MTO1: variants seen among roughly 807,000 people sequenced by gnomAD.
The protein encoded by MTO1 is mitochondrial tRNA translation optimization 1.
MTO1 carries 46 observed loss-of-function variants against 71.6 expected under a neutral mutation model. That is an observed-to-expected ratio of 0.64 (90% CI 0.51 to 0.82). The LOEUF (loss-of-function observed/expected upper bound fraction) is 0.82, where lower values mean the gene tolerates loss of function less well. MTO1 is among the 40% of genes least tolerant of loss of function. The pLI is 0.00. For missense variants in MTO1, 773 were observed against 867.5 expected (o/e 0.89, Z 1.37); for synonymous variants, 297 against 312.1 (o/e 0.95, Z 0.51).
rs1411375176 is a variant in MTO1 at position 73,466,224 on chromosome 6, ATCCT to A, written c.239_242del (p.Ser80LeufsTer9). On this transcript the variant is annotated frameshift_variant, in exon 2 of 12. Coordinates refer to ENST00000498286, the MANE Select transcript of MTO1 (RefSeq NM_012123.4). LOFTEE classifies it high-confidence loss of function. ...TTATCTTTAGGTCAGATGTCATGTA[ATCCT>A]TCCTTTGGTGGCATCGGAAAGGGAC... The A allele has an allele frequency of 7.4e-6, 12 of 1,613,474 alleles. No individual in the cohort carries two copies. Among genetic ancestry groups the A allele is most frequent in the South Asian group, 4.4e-5 (4 of 91,062 alleles).
rs975849976 is a variant in MTO1, at chr6:73,508,079, T to C, written c.*7344T>C. ...CCATTCCAATCCTTTGTAACCTATT[T>C]CAGGTTAAGCATTTATGGAGGTGCC... is the stretch of plus-strand genomic sequence containing the variant. On this transcript the variant is annotated 3_prime_UTR_variant, in exon 12 of 12. Coordinates refer to ENST00000498286, the MANE Select transcript of MTO1 (RefSeq NM_012123.4). 1 of 152,088 alleles carries C rather than the reference T, an allele frequency of 6.6e-6. No individual in the cohort carries two copies. The highest frequency in any genetic ancestry group is 1.5e-5 in the Non-Finnish European group (1 of 68,026). The allele number at this position is 152,088 out of a possible 1,614,324, so 9.4% of individuals were successfully genotyped here. A position where few individuals can be genotyped will look rare whatever the true frequency, so the allele number is the denominator to read the frequency against.
At chr6:73,478,830 C>T (rs555304016) in intron 4 of MTO1, among the ~76,000 whole-genome samples, 2 of 152,046 alleles carry the variant, frequency 1.3e-5, no homozygotes, top group African/African-American at 4.8e-5. Context: ...GCGTGAGCCA[C>T]GGCGCCCAGC....
In MTO1 at chr6:73,504,529, T is replaced by C. The variant is rs1256343602; in HGVS notation, c.*3794T>C. ...TAGATACTCGTGCTTTTTAAATAGA[T>C]TAATGAATACTACTAAAGGCAAGAA... On this transcript the variant is annotated 3_prime_UTR_variant, in exon 12 of 12. Coordinates refer to ENST00000498286, the MANE Select transcript of MTO1 (RefSeq NM_012123.4). 1.3e-5 allele frequency: 2 copies of C among 152,294 alleles called. No homozygotes were observed. The highest frequency in any genetic ancestry group is 3.9e-4 in the East Asian group (2 of 5,190). 9.4% of individuals were successfully genotyped at this position (152,294 alleles called of 1,614,324 possible). A position where few individuals can be genotyped will look rare whatever the true frequency, so the allele number is the denominator to read the frequency against.
At position 73,466,216 on chromosome 6, in the gene MTO1, G is replaced by C. The variant is rs764461061; in HGVS notation, c.225G>C (p.Met75Ile). ...TATGTCTATTATCTTTAGGTCAGAT[G>C]TCATGTAATCCTTCCTTTGGTGGCA... The part of the protein sequence containing the change: ...LTHRVDTIGQ[M>I]SCNPSFGGIG... The change falls in exon 2 of 12, where the codon ATG becomes ATC. Residue 75 changes from methionine to isoleucine, a missense_variant. Coordinates refer to ENST00000498286, the MANE Select transcript of MTO1 (RefSeq NM_012123.4). The C allele has an allele frequency of 6.2e-7, 1 of 1,612,342 alleles. No homozygotes were observed. Among genetic ancestry groups the C allele is most frequent in the Non-Finnish European group, 8.5e-7 (1 of 1,178,366 alleles).
intron 11 of MTO1, among the ~76,000 whole-genome samples, chr6:73,499,006 C>T (rs142810629): frequency 0.01 from 1,597 of 152,186 alleles, 24 homozygotes; most frequent in African/African-American, 0.036. Context: ...GGATTACAGG[C>T]GTGAGCCACC....
intron 4 of MTO1, among the ~76,000 whole-genome samples, chr6:73,474,305 G>A (rs1166478542): frequency 9.9e-5 from 15 of 151,844 alleles, no homozygotes; most frequent in South Asian, 2.1e-4. Flanking sequence ...GGCTGGTCTC[G>A]AACTCCTGAC....
At chr6:73,462,549 C>A (rs1212018248) in intron 1 of MTO1, among the ~76,000 whole-genome samples, 1 of 151,870 alleles carries the variant, frequency 6.6e-6, no homozygotes, top group African/African-American at 2.4e-5. Flanking sequence ...GCCAACACGG[C>A]GAAACCCCGT....
intron 11 of MTO1, among the ~76,000 whole-genome samples, chr6:73,498,588 T>G (rs1371323698): frequency 6.6e-6 from 1 of 152,010 alleles, no homozygotes; most frequent in Non-Finnish European, 1.5e-5. Flanking sequence ...ATATGCATGT[T>G]CCTTTGTGTA....
chr6:73,491,689 A>C (rs1210493039), intron 9 of MTO1, among the ~76,000 whole-genome samples: 1 of 152,196 alleles, frequency 6.6e-6, no homozygotes, highest in African/African-American at 2.4e-5. Flanking sequence ...AGGAAAGACA[A>C]ATGGATTACA....
intron 4 of MTO1, among the ~76,000 whole-genome samples, chr6:73,475,756 C>T (rs1170795879): frequency 1.3e-5 from 2 of 152,074 alleles, no homozygotes; most frequent in African/African-American, 4.8e-5. Flanking sequence ...AGGTGATCCG[C>T]CCGCCTCGGC....
chr6:73,498,014 T>G, intron 11 of MTO1, 118 bp downstream of exon 11: 2 of 926,026 alleles, frequency 2.2e-6, no homozygotes, highest in Non-Finnish European at 3.1e-6. Context: ...AATAAGAAAC[T>G]TCCAGCATGG....
In MTO1 at chr6:73,480,682, T is replaced by C. The variant is rs141477592; in HGVS notation, c.1137T>C (p.Gly379=). 243 of 1,613,914 alleles carry C rather than the reference T, an allele frequency of 1.5e-4. 1 individual carries two copies. Among genetic ancestry groups the C allele is most frequent in the Non-Finnish European group, 2.0e-4 (231 of 1,179,894 alleles). The change falls in exon 7 of 12, where the codon GGT becomes GGC. Residue 379 remains glycine, a synonymous_variant. Transcript: ENST00000498286. The part of the protein sequence containing the change: ...EKAKVIQPGY[G]VQYDYLDPRQ... ...TCTTTGTTCTTTGGTCAGGCTACGG[T>C]GTTCAGTATGATTACTTAGATCCCC...
At position 73,503,841 on chromosome 6, in the gene MTO1, A is replaced by G. The variant is rs1018355999; in HGVS notation, c.*3106A>G. 3.9e-5 allele frequency: 6 copies of G among 152,236 alleles called. No individual in the cohort carries two copies. Among genetic ancestry groups the G allele is most frequent in the Admixed American group, 1.3e-4 (2 of 15,278 alleles). 9.4% of individuals were successfully genotyped at this position (152,236 alleles called of 1,614,324 possible). A position where few individuals can be genotyped will look rare whatever the true frequency, so the allele number is the denominator to read the frequency against. The stretch of plus-strand genomic sequence containing the variant: ...GGCCTTGAAAATGAAGTTCCTTTAT[A>G]GCCAAGAGCTTAAATTTTGTTACTG... On this transcript the variant is annotated 3_prime_UTR_variant, in exon 12 of 12. Coordinates refer to ENST00000498286, the MANE Select transcript of MTO1 (RefSeq NM_012123.4).
At chr6:73,489,336 G>T (rs1214811113) in intron 9 of MTO1, among the ~76,000 whole-genome samples, 5 of 148,490 alleles carry the variant, frequency 3.4e-5, no homozygotes, top group African/African-American at 1.2e-4. Flanking sequence ...TGCACAACGT[G>T]CAGGTTTGTT....
intron 3 of MTO1, among the ~76,000 whole-genome samples, chr6:73,472,186 T>C (rs1361199756): frequency 6.6e-6 from 1 of 152,202 alleles, no homozygotes; most frequent in Non-Finnish European, 1.5e-5. Context: ...ACTTAAGTTA[T>C]AGCTATCTCC....
At position 73,482,547 on chromosome 6, in the gene MTO1, GA is replaced by G; in HGVS notation, c.1565del (p.Glu522GlyfsTer3). ...AGGCATTTCTGTGTTGAAATCTATT[GA>G]GTTTTTGAGCTCTAAATGGAAAAAA... is the stretch of plus-strand genomic sequence containing the variant. ...EEGISVLKSI[E>X]FLSSKWKKLI... On this transcript the variant is annotated frameshift_variant, in exon 9 of 12. Transcript: ENST00000498286. LOFTEE classifies it high-confidence loss of function. The G allele has an allele frequency of 6.2e-7, 1 of 1,612,264 alleles. No homozygotes were observed. The highest frequency in any genetic ancestry group is 8.5e-7 in the Non-Finnish European group (1 of 1,179,740).
rs1582708291 is a variant in MTO1, at chr6:73,508,444, T to G, written c.*7709T>G. 6.6e-6 allele frequency: 1 copy of G among 152,266 alleles called. No homozygotes were observed. The highest frequency in any genetic ancestry group is 1.5e-5 in the Non-Finnish European group (1 of 68,016). 9.4% of individuals were successfully genotyped at this position (152,266 alleles called of 1,614,324 possible). A position where few individuals can be genotyped will look rare whatever the true frequency, so the allele number is the denominator to read the frequency against. ...ACATAAAAAAAAACACTGGCTAAAT[T>G]TAAAAGGAAACACTTCTAGAATATA... On this transcript the variant is annotated 3_prime_UTR_variant, in exon 12 of 12. Coordinates refer to ENST00000498286, the MANE Select transcript of MTO1 (RefSeq NM_012123.4).
chr6:73,498,712 A>G (rs1019565360), intron 11 of MTO1, among the ~76,000 whole-genome samples: 1 of 152,056 alleles, frequency 6.6e-6, no homozygotes, highest in African/African-American at 2.4e-5. Flanking sequence ...TCCACATTTT[A>G]ACATCTCTAA....
chr6:73,494,689 T>C (rs919419984), intron 10 of MTO1, among the ~76,000 whole-genome samples: 2 of 151,182 alleles, frequency 1.3e-5, no homozygotes, highest in African/African-American at 4.9e-5. Context: ...TTGGCCAGGC[T>C]GGTCTTGAAC....
Sources: gnomAD v4.1 joint callset for allele counts (sites outside exome capture counted in the v4.1 genomes callset) on GRCh38, gnomAD v4.1.1 for gene constraint, MANE v1.5 for transcripts, NCBI Gene and HGNC (gene_info 2026-07-23, HGNC 2026-07-21) for gene names.